Variants in AOAH observed in about 807,000 individuals in gnomAD.
AOAH encodes acyloxyacyl hydrolase (neutrophil).
In AOAH, 64 loss-of-function variants were observed where a neutral mutation model predicts 92.2. That is an observed-to-expected ratio of 0.69 (90% confidence interval 0.57 to 0.86). AOAH has a LOEUF of 0.86. AOAH is among the 40% of genes least tolerant of loss of function. The probability of loss-of-function intolerance (pLI) is 0.00; values close to 1 mark genes in which losing one functional copy is unlikely to be tolerated. For synonymous variants in AOAH, 263 were observed against 254.5 expected (o/e 1.03, Z -0.32); for missense variants, 656 against 694.6 (o/e 0.94, Z 0.62).
At chr7:36,612,042 A>G (rs184823975) in intron 11 of AOAH, among the ~76,000 whole-genome samples, 10 of 152,276 alleles carry the variant, frequency 6.6e-5, no homozygotes, top group Admixed American at 3.9e-4. Flanking sequence ...AGATTGAATT[A>G]AAAAATGCAT....
intron 15 of AOAH, among the ~76,000 whole-genome samples, chr7:36,542,052 C>T (rs1046135668): frequency 4.6e-5 from 7 of 152,144 alleles, no homozygotes; most frequent in Non-Finnish European, 1.0e-4. Flanking sequence ...AAAATAGGGT[C>T]TTCATGGTTG....
At chr7:36,710,888 T>A (rs1323632957) in intron 1 of AOAH, among the ~76,000 whole-genome samples, 1 of 101,634 alleles carries the variant, frequency 9.8e-6, no homozygotes, top group Non-Finnish European at 2.1e-5. Context: ...GTCCTTGCTA[T>A]GTACCAAGCA....
intron 16 of AOAH, among the ~76,000 whole-genome samples, chr7:36,533,347 A>G (rs1047495026): frequency 1.3e-5 from 2 of 152,230 alleles, no homozygotes; most frequent in Non-Finnish European, 1.5e-5. Context: ...TGAAGGTGAT[A>G]GAACACAGTC....
intron 2 of AOAH, among the ~76,000 whole-genome samples, chr7:36,678,600 T>TGCGCGCGCGCGC (rs1554314414): frequency 7.6e-6 from 1 of 131,028 alleles, no homozygotes; most frequent in African/African-American, 2.7e-5. Flanking sequence ...TGTGTGTGTG[T>TGCGCGCGCGCGC]GCGCGCGCGC....
intron 20 of AOAH, among the ~76,000 whole-genome samples, chr7:36,517,967 ACACG>A (rs1783906020): frequency 1.3e-5 from 2 of 149,788 alleles, no homozygotes; most frequent in African/African-American, 2.5e-5. Flanking sequence ...ACACACACAC[ACACG>A]CACACACACA....
chr7:36,586,393 C>G (rs1324361277), intron 12 of AOAH, among the ~76,000 whole-genome samples: 1 of 152,170 alleles, frequency 6.6e-6, no homozygotes, highest in South Asian at 2.1e-4. Context: ...AGTTGTCACT[C>G]TCAGCTCTCA....
At chr7:36,705,989 A>G (rs1798379980) in intron 1 of AOAH, among the ~76,000 whole-genome samples, 2 of 152,164 alleles carry the variant, frequency 1.3e-5, no homozygotes, top group African/African-American at 4.8e-5. Context: ...CCTTCCTTAC[A>G]CCTTATACAA....
At position 36,534,336 on chromosome 7, in the gene AOAH, A is replaced by T. The variant is rs1583751383; in HGVS notation, c.1307-1992T>A. Among the ~76,000 whole-genome samples the T allele has an allele frequency of 3.9e-5, 6 of 152,140 alleles. 1 individual carries two copies. Among genetic ancestry groups the T allele is most frequent in the Admixed American group, 3.9e-4 (6 of 15,298 alleles). On this transcript the variant is annotated intron_variant, in intron 16 of 20. Transcript: ENST00000617537. ...CCCTTTCCCTCTGTCGCCTGGCTCCACCTCCAGCTGGACCTGATTGAGAAT... is the reference window on the plus strand; with the variant it reads ...CCCTTTCCCTCTGTCGCCTGGCTCCTCCTCCAGCTGGACCTGATTGAGAAT...
At chr7:36,709,676 A>G (rs1798639242) in intron 1 of AOAH, among the ~76,000 whole-genome samples, 1 of 123,276 alleles carries the variant, frequency 8.1e-6, no homozygotes, top group Non-Finnish European at 1.7e-5. Context: ...TGCAAGGGTC[A>G]TTTTAAAAGA....
chr7:36,582,032 A>AT (rs1434983498), intron 12 of AOAH, among the ~76,000 whole-genome samples: 1 of 152,208 alleles, frequency 6.6e-6, no homozygotes, highest in African/African-American at 2.4e-5. Flanking sequence ...ATAGAAAATT[A>AT]TATATATGCA....
At chr7:36,587,808 A>ATTGT (rs1789461288) in intron 12 of AOAH, among the ~76,000 whole-genome samples, 1 of 152,226 alleles carries the variant, frequency 6.6e-6, no homozygotes, top group African/African-American at 2.4e-5. Context: ...GAAACAAAAC[A>ATTGT]TTGAAAATAT....
chr7:36,641,075 C>T (rs748426125), intron 4 of AOAH, among the ~76,000 whole-genome samples: 51 of 152,184 alleles, frequency 3.4e-4, no homozygotes, highest in Admixed American at 5.2e-4. Flanking sequence ...TCCCTCTTCA[C>T]CCCTAGAAAG....
intron 1 of AOAH, among the ~76,000 whole-genome samples, chr7:36,688,888 C>T (rs1797211921): frequency 6.6e-6 from 1 of 151,298 alleles, no homozygotes; most frequent in African/African-American, 2.4e-5. Context: ...TATGGGTATA[C>T]TTGTGTGTAT....
At chr7:36,526,677 AT>A (rs1399226669) in intron 19 of AOAH, among the ~76,000 whole-genome samples, 4 of 152,194 alleles carry the variant, frequency 2.6e-5, no homozygotes, top group Non-Finnish European at 4.4e-5. Flanking sequence ...AGCATAATGT[AT>A]TTTGTTTTGT....
intron 13 of AOAH, among the ~76,000 whole-genome samples, chr7:36,563,102 G>A (rs1056122633): frequency 1.3e-4 from 17 of 127,562 alleles, no homozygotes; most frequent in African/African-American, 5.0e-4. Flanking sequence ...AGCCGAGATC[G>A]TGCCACTGCA....
At chr7:36,526,663 T>C (rs1184362551) in intron 19 of AOAH, among the ~76,000 whole-genome samples, 1 of 152,186 alleles carries the variant, frequency 6.6e-6, no homozygotes, top group Non-Finnish European at 1.5e-5. Flanking sequence ...CTGTGGAGAT[T>C]TGGAGCATAA....
chr7:36,647,955 C>A (rs113491095), intron 4 of AOAH, among the ~76,000 whole-genome samples: 3 of 152,050 alleles, frequency 2.0e-5, no homozygotes, highest in African/African-American at 4.8e-5. Flanking sequence ...CTCAGCCTCC[C>A]GAGCAGCTGG....
At chr7:36,531,842 TTGTGTG>T (rs3837108) in intron 18 of AOAH, among the ~76,000 whole-genome samples, 4 of 150,562 alleles carry the variant, frequency 2.7e-5, no homozygotes, top group South Asian at 2.1e-4. Flanking sequence ...CTTTAAGAGG[TTGTGTG>T]TGTGTGTGTG....
chr7:36,637,043 T>G (rs1793573295), intron 5 of AOAH, among the ~76,000 whole-genome samples: 1 of 152,342 alleles, frequency 6.6e-6, no homozygotes, highest in East Asian at 1.9e-4. Context: ...GATAATGTCG[T>G]GCTTTAAAGA....
Sources: gnomAD v4.1 joint callset for allele counts (sites outside exome capture counted in the v4.1 genomes callset) on GRCh38, gnomAD v4.1.1 for gene constraint, MANE v1.5 for transcripts, NCBI Gene and HGNC (gene_info 2026-07-23, HGNC 2026-07-21) for gene names.